The following BSN variants were observed in gnomAD, a reference collection of about 807,000 sequenced individuals.
BSN encodes the protein protein bassoon.
BSN carries 57 observed loss-of-function variants against 264.8 expected under a neutral mutation model. The observed-to-expected ratio is 0.22, with a 90% CI of 0.17 to 0.27. The LOEUF (loss-of-function observed/expected upper bound fraction) is 0.27. Ranked by LOEUF, BSN falls within the 10% of genes least tolerant of loss-of-function variation. The pLI is 1.00. For missense variants in BSN, 4,615 were observed against 5,232.5 expected, an observed-to-expected ratio of 0.88 and a Z score of 3.64; for synonymous variants, 2,059 against 2,137.3, an observed-to-expected ratio of 0.96 and a Z score of 1.01.
In BSN at chr3:49,654,729, T is replaced by C. The variant is rs1165079209; in HGVS notation, c.5173T>C (p.Phe1725Leu). The C allele has an allele frequency of 1.9e-6, 3 of 1,613,550 alleles. No homozygotes were observed. The African/African-American group carries it at 4.0e-5, about 22-fold the overall frequency. The change falls in exon 5 of 12, where the codon TTC becomes CTC. Residue 1725 changes from phenylalanine to leucine, a missense_variant. Phe to Leu is a conservative substitution (Grantham distance 22). Transcript: ENST00000296452. The surrounding 1 kb of genome is among the most constrained non-coding windows in gnomAD (Gnocchi z 4.1). Reference protein sequence around the residue: ...VINLNAQEHTFLATATTVSIT... With the variant: ...VINLNAQEHTLLATATTVSIT... ...CAACCTCAATGCCCAGGAGCATACC[T>C]TCCTTGCTACTGCCACCACCGTGAG... is the stretch of plus-strand genomic sequence containing the variant.
Position 49,554,579 on chromosome 3 carries a change from ACCCCGC to A in BSN, c.-21_-16del. The A allele has an allele frequency of 1.2e-6, 1 of 833,110 alleles. No homozygotes were observed. The highest frequency in any genetic ancestry group is 1.4e-6 in the Non-Finnish European group (1 of 695,230). 51.6% of individuals were successfully genotyped at this position (833,110 alleles called of 1,614,324 possible). A position where few individuals can be genotyped will look rare whatever the true frequency, so the allele number is the denominator to read the frequency against. On this transcript the variant is annotated 5_prime_UTR_variant, in exon 1 of 12. Coordinates refer to ENST00000296452, the MANE Select transcript of BSN (RefSeq NM_003458.4). The stretch of plus-strand genomic sequence containing the variant: ...CCGGCCCGGGCGCAGCGCGACCCCG[ACCCCGC>A]CCGCCCGCCTGCCCGCCATGGGCAA...
Position 49,554,754 on chromosome 3 carries a change from C to A in BSN, c.152C>A (p.Ala51Glu). The A allele has an allele frequency of 8.1e-7, 1 of 1,230,284 alleles. No homozygotes were observed. Among genetic ancestry groups the A allele is most frequent in the Non-Finnish European group, 1.0e-6 (1 of 985,610 alleles). The allele number at this position is 1,230,284 out of a possible 1,614,324, so 76.2% of individuals were successfully genotyped here. ...AGGGQLPAAG[A>E]ARSTAVPPVP... ...GGCGGACAGCTCCCCGCGGCGGGAGCAGCGCGGTCGACCGCGGTACCACCG... is the reference window on the plus strand; with the variant it reads ...GGCGGACAGCTCCCCGCGGCGGGAGAAGCGCGGTCGACCGCGGTACCACCG... The change falls in exon 1 of 12, where the codon GCA (alanine) becomes GAA (glutamate). Residue 51 changes from alanine to glutamate, a missense_variant. By Grantham distance (107) the Ala-to-Glu change is moderately radical. Transcript: ENST00000296452.
At position 49,652,538 on chromosome 3, in the gene BSN, C is replaced by T. The variant is rs1475443597; in HGVS notation, c.2982C>T (p.Thr994=). 2.5e-6 allele frequency: 4 copies of T among 1,613,530 alleles called. No individual in the cohort carries two copies. The African/African-American group carries it at 4.0e-5, about 16-fold the overall frequency. Residue 994 remains threonine (T), a synonymous_variant, in exon 5 of 12, where the codon ACC becomes ACT. Coordinates refer to ENST00000296452, the MANE Select transcript of BSN (RefSeq NM_003458.4). ...PASTPSYTSG[T]SPTSLSSLEE... Reference sequence around the variant, plus strand: ...CCACACCCAGCTACACCTCGGGCACCTCTCCCACCTCTCTGTCCTCCCTAG... The same window carrying T: ...CCACACCCAGCTACACCTCGGGCACTTCTCCCACCTCTCTGTCCTCCCTAG...
rs1190607979 is a variant in BSN at position 49,657,213 on chromosome 3, A to C, written c.7657A>C (p.Ile2553Leu). Reference sequence around the variant, plus strand: ...GCAGTGGGAGGCCAGCCGTAGTGGCATCAAGAAGCGGCACTCCATGCCACG... The same window carrying C: ...GCAGTGGGAGGCCAGCCGTAGTGGCCTCAAGAAGCGGCACTCCATGCCACG... Reference protein sequence around the residue: ...EEQWEASRSGIKKRHSMPRLR... With the variant: ...EEQWEASRSGLKKRHSMPRLR... Residue 2553 changes from isoleucine to leucine, a missense_variant, in exon 5 of 12, where the codon ATC (isoleucine) becomes CTC (leucine). Ile to Leu is a conservative substitution (Grantham distance 5). Around this residue, in one of 3 missense-constraint regions of BSN, gnomAD observed 3,415 missense variants for 3,866.4 expected, o/e 0.88. Coordinates refer to ENST00000296452, the MANE Select transcript of BSN (RefSeq NM_003458.4). 16 of 1,613,314 alleles carry C rather than the reference A, an allele frequency of 9.9e-6. No homozygotes were observed. Among genetic ancestry groups the C allele is most frequent in the Non-Finnish European group, 1.4e-5 (16 of 1,180,046 alleles).
chr3:49,664,870 T>C lies in BSN; in HGVS notation c.*14+17T>C. The C allele has an allele frequency of 6.2e-7, 1 of 1,605,044 alleles. No homozygotes were observed. Among genetic ancestry groups the C allele is most frequent in the Middle Eastern group, 1.7e-4 (1 of 6,050 alleles). On this transcript the variant is annotated intron_variant, in intron 10 of 11. Transcript: ENST00000296452. ...CCCAGCATGGTGAGTACAAGCAGCC[T>C]GTACCTTGCCTCTTCTGGGAAAGGC...
In BSN at chr3:49,651,751, G is replaced by A. The variant is rs376181418; in HGVS notation, c.2195G>A (p.Arg732Gln). Residue 732 changes from arginine to glutamine, a missense_variant, in exon 5 of 12, where the codon CGG (arginine) becomes CAG (glutamine). Physicochemically the swap from Arg to Gln is conservative, Grantham distance 43. Transcript: ENST00000296452. The surrounding 1 kb of genome is among the most constrained non-coding windows in gnomAD (Gnocchi z 5.4). ...SEIHKVGSSMRPLLQAQGLAP... is the reference protein window; with the variant it reads ...SEIHKVGSSMQPLLQAQGLAP... ...ATCCACAAGGTGGGGAGCAGCATGCGGCCTTTGCTGCAGGCCCAGGGCCTG... is the reference window on the plus strand; with the variant it reads ...ATCCACAAGGTGGGGAGCAGCATGCAGCCTTTGCTGCAGGCCCAGGGCCTG... 8.8e-5 allele frequency: 142 copies of A among 1,613,394 alleles called. No homozygotes were observed. The highest frequency in any genetic ancestry group is 1.1e-4 in the Non-Finnish European group (129 of 1,179,892).
At chr3:49,561,093 A>G (rs2051708071) in intron 1 of BSN, among the ~76,000 whole-genome samples, 1 of 152,162 alleles carries the variant, frequency 6.6e-6, no homozygotes, top group Admixed American at 6.5e-5. Context: ...CTTTCTAACA[A>G]GAGGGTCACA....
chr3:49,562,413 G>C (rs770486022), intron 1 of BSN, among the ~76,000 whole-genome samples: 1 of 152,230 alleles, frequency 6.6e-6, no homozygotes, highest in African/African-American at 2.4e-5. Flanking sequence ...CTCTTGTCCA[G>C]ATCTTTAGCC....
intron 1 of BSN, among the ~76,000 whole-genome samples, chr3:49,610,136 C>G (rs1426169735): frequency 3.3e-5 from 5 of 152,186 alleles, no homozygotes; most frequent in African/African-American, 1.2e-4. Flanking sequence ...TGCCAGTCCA[C>G]ATTGATTTCT....
At chr3:49,593,367 C>G (rs2051995173) in intron 1 of BSN, among the ~76,000 whole-genome samples, 1 of 152,150 alleles carries the variant, frequency 6.6e-6, no homozygotes, top group Admixed American at 6.6e-5. Context: ...AACATTGATG[C>G]ACAGATTTTT....
rs2052532835 is a variant in BSN, at chr3:49,650,577, A to G, written c.1519-35A>G. 4 of 1,550,738 alleles carry G rather than the reference A, an allele frequency of 2.6e-6. No homozygotes were observed. In the South Asian group the frequency reaches 4.8e-5, roughly 18 times the overall value. On this transcript the variant is annotated intron_variant, in intron 3 of 11. Transcript: ENST00000296452. ...TATTTGAGGACTTCAGTGTCTTTTT[A>G]ATTTTCATCAACCCCCTCTCCCATT...
chr3:49,559,482 A>G (rs2051698029), intron 1 of BSN, among the ~76,000 whole-genome samples: 1 of 152,216 alleles, frequency 6.6e-6, no homozygotes, highest in South Asian at 2.1e-4. Flanking sequence ...GAACATAACC[A>G]CAGCACCACA....
rs1294595845 is a variant in BSN at position 49,625,554 on chromosome 3, A to G, written c.633+171A>G. Among the ~76,000 whole-genome samples the G allele has an allele frequency of 1.3e-5, 2 of 152,226 alleles. No individual in the cohort carries two copies. Among genetic ancestry groups the G allele is most frequent in the African/African-American group, 2.4e-5 (1 of 41,456 alleles). ...TGGTTCCAGGATGTGGCAGCAAAGA[A>G]CAGGGCCTGGCCCCAGATCTCCCAA... On this transcript the variant is annotated intron_variant, in intron 2 of 11. Coordinates refer to ENST00000296452, the MANE Select transcript of BSN (RefSeq NM_003458.4). This position sits in a 1 kb window ranked among gnomAD's most constrained non-coding sequence, Gnocchi z 4.4.
At chr3:49,630,311 A>G (rs2052375628) in intron 2 of BSN, among the ~76,000 whole-genome samples, 1 of 152,172 alleles carries the variant, frequency 6.6e-6, no homozygotes, top group African/African-American at 2.4e-5. Context: ...CTCACCTCCA[A>G]ACAAAATGGA....
intron 9 of BSN, 33 bp from the exon 10 acceptor site, chr3:49,664,766 T>C (rs1559620481): frequency 6.2e-7 from 1 of 1,613,686 alleles, no homozygotes. Flanking sequence ...TGGCCCAATT[T>C]CCTGATGGCT....
intron 3 of BSN, among the ~76,000 whole-genome samples, chr3:49,644,283 G>A (rs974582701): frequency 1.3e-5 from 2 of 152,196 alleles, no homozygotes; most frequent in African/African-American, 2.4e-5. Context: ...AGGGGTGTGC[G>A]GAGTGCAAAC....
At chr3:49,623,383 T>C (rs1479262996) in intron 1 of BSN, among the ~76,000 whole-genome samples, 1 of 152,228 alleles carries the variant, frequency 6.6e-6, no homozygotes, top group Non-Finnish European at 1.5e-5. Context: ...AGCATTGTCT[T>C]TGGCTTTTTG....
intron 1 of BSN, among the ~76,000 whole-genome samples, chr3:49,568,137 G>C (rs1388729039): frequency 6.6e-6 from 1 of 152,174 alleles, no homozygotes; most frequent in Non-Finnish European, 1.5e-5. Context: ...TCCTGCCTAG[G>C]TTTAAAAGGA....
At position 49,653,322 on chromosome 3, in the gene BSN, G is replaced by A. The variant is rs572300693; in HGVS notation, c.3766G>A (p.Val1256Met). 6 of 1,612,148 alleles carry A rather than the reference G, an allele frequency of 3.7e-6. No individual in the cohort carries two copies. The highest frequency in any genetic ancestry group is 2.2e-5 in the East Asian group (1 of 44,868). ...CACGCCAGCCAGCCTGGGAGCAGCC[G>A]TGTACGAAGAAATCCTTCAGACATC... Reference protein sequence around the residue: ...EGTPASLGAAVYEEILQTSQS... With the variant: ...EGTPASLGAAMYEEILQTSQS... The change falls in exon 5 of 12, where the codon GTG (valine) becomes ATG (methionine). Residue 1256 changes from valine (V) to methionine (M), a missense_variant. By Grantham distance (21) the Val-to-Met change is conservative (BLOSUM62 1). This residue lies in a region of BSN where 3,415 missense variants were observed against 3,866.4 expected (regional missense o/e 0.88). Coordinates refer to ENST00000296452, the MANE Select transcript of BSN (RefSeq NM_003458.4). This position sits in a 1 kb window ranked among gnomAD's most constrained non-coding sequence, Gnocchi z 6.3.
Sources: gnomAD v4.1 joint callset for allele counts (sites outside exome capture counted in the v4.1 genomes callset) on GRCh38, gnomAD v4.1.1 for gene constraint, gnomAD v4.1.1 regional missense constraint, Gnocchi (gnomAD v3.1) non-coding constraint, MANE v1.5 for transcripts, NCBI Gene and HGNC (gene_info 2026-07-23, HGNC 2026-07-21) for gene names.